Variants in PRKG1 observed in about 807,000 individuals in gnomAD.
PRKG1 encodes the protein protein kinase cGMP-dependent 1.
A neutral mutation model predicts 88.1 loss-of-function variants in PRKG1; 35 were observed. The ratio of observed to expected loss-of-function variants is 0.40; its 90% CI spans 0.30 to 0.53. PRKG1 has a LOEUF of 0.53. Ranked by LOEUF, PRKG1 falls within the 20% of genes least tolerant of loss-of-function variation. The pLI, the probability that PRKG1 is intolerant of heterozygous loss-of-function variation, is 0.59. For synonymous variants in PRKG1, 303 were observed against 292.5 expected (o/e 1.04, Z -0.37); for missense variants, 540 against 839.8 (o/e 0.64, Z 4.41).
chr10:51,004,030 T>G (rs1435956893), intron 1 of PRKG1, among the ~76,000 whole-genome samples: 1 of 152,178 alleles, frequency 6.6e-6, no homozygotes, highest in Non-Finnish European at 1.5e-5. Flanking sequence ...CATATGTTAT[T>G]TATGTATTTA....
intron 2 of PRKG1, among the ~76,000 whole-genome samples, chr10:51,252,327 C>T (rs1839447978): frequency 6.6e-6 from 1 of 151,398 alleles, no homozygotes; most frequent in Non-Finnish European, 1.5e-5. Context: ...AAATACATAC[C>T]AACACAGAGA....
chr10:52,108,957 A>G (rs1207071099), intron 7 of PRKG1, among the ~76,000 whole-genome samples: 3 of 151,502 alleles, frequency 2.0e-5, no homozygotes, highest in Admixed American at 6.6e-5. Context: ...CCTCCTGAGT[A>G]GCTGGGACTA....
chr10:51,979,412 T>TTTG (rs1474192638), intron 5 of PRKG1, among the ~76,000 whole-genome samples: 10 of 130,952 alleles, frequency 7.6e-5, no homozygotes, highest in African/African-American at 2.8e-4. Context: ...ATTGGTCTGT[T>TTTG]TTTTTTTTTT....
chr10:51,442,076 A>G (rs941114137), intron 2 of PRKG1, among the ~76,000 whole-genome samples: 22 of 151,926 alleles, frequency 1.4e-4, no homozygotes, highest in African/African-American at 5.1e-4. Flanking sequence ...TTACCAGGAA[A>G]AAAAAAACCC....
intron 3 of PRKG1, among the ~76,000 whole-genome samples, chr10:51,609,306 G>C (rs1207830938): frequency 6.6e-6 from 1 of 152,062 alleles, no homozygotes; most frequent in Non-Finnish European, 1.5e-5. Flanking sequence ...ACTTTTATTA[G>C]AACCCTGCAA....
intron 4 of PRKG1, among the ~76,000 whole-genome samples, chr10:51,835,193 G>C (rs770598278): frequency 3.3e-5 from 5 of 152,308 alleles, no homozygotes; most frequent in Middle Eastern, 6.8e-3. Context: ...AATAGCTTCC[G>C]AAGTCTCTGG....
intron 3 of PRKG1, among the ~76,000 whole-genome samples, chr10:51,500,602 T>C (rs1033379782): frequency 2.0e-5 from 3 of 152,210 alleles, no homozygotes; most frequent in Non-Finnish European, 4.4e-5. Flanking sequence ...TAGTATTATA[T>C]AGAGCCTGGT....
At chr10:51,281,352 A>G (rs1840290108) in intron 2 of PRKG1, among the ~76,000 whole-genome samples, 1 of 152,148 alleles carries the variant, frequency 6.6e-6, no homozygotes, top group South Asian at 2.1e-4. Context: ...TCAGATATCA[A>G]ACTCCATACT....
At chr10:51,243,828 A>G (rs1438414073) in intron 2 of PRKG1, among the ~76,000 whole-genome samples, 1 of 152,184 alleles carries the variant, frequency 6.6e-6, no homozygotes, top group Non-Finnish European at 1.5e-5. Context: ...GAAACGGAAC[A>G]ATTACATTTG....
intron 2 of PRKG1, among the ~76,000 whole-genome samples, chr10:51,265,515 A>AT (rs1017151895): frequency 3.3e-5 from 5 of 152,114 alleles, no homozygotes; most frequent in Non-Finnish European, 5.9e-5. Context: ...CAGTAGTTAC[A>AT]TTTATTTTAT....
intron 7 of PRKG1, among the ~76,000 whole-genome samples, chr10:52,131,810 C>G (rs1217057168): frequency 1.4e-5 from 1 of 70,574 alleles, no homozygotes; most frequent in Non-Finnish European, 2.6e-5. Context: ...AAGAGCGAAA[C>G]TCCATCAAAA....
intron 5 of PRKG1, among the ~76,000 whole-genome samples, chr10:51,955,871 T>C (rs1843290916): frequency 6.6e-6 from 1 of 152,178 alleles, no homozygotes. Context: ...CTTCCTTTTG[T>C]GCAGGAAGAG....
At chr10:52,051,218 G>C (rs191993841) in intron 5 of PRKG1, among the ~76,000 whole-genome samples, 71 of 152,186 alleles carry the variant, frequency 4.7e-4, no homozygotes, top group Non-Finnish European at 9.3e-4. Flanking sequence ...TGAGGGGAAT[G>C]AGCTCACATA....
At chr10:51,298,587 G>A (rs1310149098) in intron 2 of PRKG1, among the ~76,000 whole-genome samples, 1 of 152,276 alleles carries the variant, frequency 6.6e-6, no homozygotes, top group Non-Finnish European at 1.5e-5. Context: ...GAGAAGATGG[G>A]TTTTTATTTT....
At chr10:51,563,304 C>T (rs1837518419) in intron 3 of PRKG1, among the ~76,000 whole-genome samples, 1 of 152,064 alleles carries the variant, frequency 6.6e-6, no homozygotes, top group South Asian at 2.1e-4. Context: ...GAATATTGAA[C>T]ATTTTAAATA....
intron 2 of PRKG1, among the ~76,000 whole-genome samples, chr10:51,273,568 A>C (rs1307140374): frequency 6.6e-6 from 1 of 152,164 alleles, no homozygotes; most frequent in Non-Finnish European, 1.5e-5. Context: ...GTAATCTGGC[A>C]GTTTTTAAAC....
intron 1 of PRKG1, among the ~76,000 whole-genome samples, chr10:51,142,556 A>G (rs999645358): frequency 2.0e-5 from 3 of 152,008 alleles, no homozygotes; most frequent in African/African-American, 7.2e-5. Flanking sequence ...GAGATTATGA[A>G]TGAATGAATA....
intron 2 of PRKG1, among the ~76,000 whole-genome samples, chr10:51,365,683 T>C (rs1421235279): frequency 3.9e-5 from 6 of 151,980 alleles, no homozygotes; most frequent in Non-Finnish European, 1.5e-5. Flanking sequence ...AGCTGGTAAA[T>C]TAGAATCTGC....
intron 16 of PRKG1, among the ~76,000 whole-genome samples, chr10:52,289,715 A>G (rs1021006147): frequency 1.3e-5 from 2 of 152,132 alleles, no homozygotes; most frequent in South Asian, 4.1e-4. Context: ...TGTACACAAA[A>G]TATCTTTATT....
Sources: gnomAD v4.1 joint callset for allele counts (sites outside exome capture counted in the v4.1 genomes callset) on GRCh38, gnomAD v4.1.1 for gene constraint, MANE v1.5 for transcripts, NCBI Gene and HGNC (gene_info 2026-07-23, HGNC 2026-07-21) for gene names.